MYRIP: variants seen among roughly 807,000 people sequenced by gnomAD.
The protein encoded by MYRIP is myosin VIIA and Rab interacting protein.
In MYRIP, 49 loss-of-function variants were observed where a neutral mutation model predicts 98.0. The ratio of observed to expected loss-of-function variants is 0.50; its 90% CI spans 0.40 to 0.63. The LOEUF (loss-of-function observed/expected upper bound fraction) is 0.63, where lower values mean the gene tolerates loss of function less well. Ranked by LOEUF, MYRIP falls within the 30% of genes least tolerant of loss-of-function variation. The pLI is 0.00. For synonymous variants in MYRIP, 404 were observed against 409.5 expected, an observed-to-expected ratio of 0.99 and a Z score of 0.16; for missense variants, 1,004 against 1,058.2, an observed-to-expected ratio of 0.95 and a Z score of 0.71.
chr3:40,152,894 G>T (rs1002913299), intron 4 of MYRIP, among the ~76,000 whole-genome samples: 1 of 151,844 alleles, frequency 6.6e-6, no homozygotes, highest in Non-Finnish European at 1.5e-5. Flanking sequence ...AGTCAGGAGG[G>T]TCACTTGAGA....
rs62719862 is a variant in MYRIP at position 39,919,693 on chromosome 3, GGTGTGTGTGT to G, written c.110+18793_110+18802del. 5.3e-3 allele frequency among the ~76,000 whole-genome samples: 760 copies of G among 143,342 alleles called. 7 individuals are homozygous for G. Among genetic ancestry groups the G allele is most frequent in the Non-Finnish European group, 4.5e-3 (296 of 66,490 alleles). The allele number at this position is 143,342 out of a possible 152,430, so 94.0% of individuals were successfully genotyped here. ...CTCTGCCATGTGTGCGGGTATGTGTGGTGTGTGTGTGTGTGTGTGTGTGTGTGTGTGTGTG... is the reference window on the plus strand; with the variant it reads ...CTCTGCCATGTGTGCGGGTATGTGTGGTGTGTGTGTGTGTGTGTGTGTGTG... On this transcript the variant is annotated intron_variant, in intron 2 of 16. Transcript: ENST00000302541.
intron 3 of MYRIP, chr3:40,071,254 G>A: frequency 2.1e-6 from 2 of 931,094 alleles, no homozygotes; most frequent in Non-Finnish European, 2.6e-6. Flanking sequence ...GTTGGGGTCA[G>A]AATGTGAGCC....
chr3:40,165,838 G>A (rs1020102304), intron 5 of MYRIP, among the ~76,000 whole-genome samples: 2 of 150,608 alleles, frequency 1.3e-5, no homozygotes, highest in Admixed American at 1.3e-4. Context: ...TCTCAGTTTT[G>A]TGGTTAAAAT....
chr3:39,875,893 C>T (rs1942977696), intron 1 of MYRIP, among the ~76,000 whole-genome samples: 1 of 151,888 alleles, frequency 6.6e-6, no homozygotes, highest in South Asian at 2.1e-4. Context: ...TCCTGGGTAT[C>T]CTTGTTGACT....
At chr3:40,255,275 A>G (rs1229653461) in intron 16 of MYRIP, among the ~76,000 whole-genome samples, 2 of 152,182 alleles carry the variant, frequency 1.3e-5, no homozygotes, top group Non-Finnish European at 2.9e-5. Flanking sequence ...TGGCTGCCAG[A>G]GGTTGTGGGA....
At chr3:40,076,492 T>A (rs1948345726) in intron 3 of MYRIP, among the ~76,000 whole-genome samples, 1 of 152,210 alleles carries the variant, frequency 6.6e-6, no homozygotes, top group South Asian at 2.1e-4. Flanking sequence ...CAGGCACTAA[T>A]ATTTACTCCA....
intron 15 of MYRIP, among the ~76,000 whole-genome samples, chr3:40,251,162 G>T (rs539204425): frequency 7.7e-4 from 117 of 152,306 alleles, no homozygotes; most frequent in African/African-American, 2.6e-3. Flanking sequence ...CCACAAAAGG[G>T]TGATACCAAA....
chr3:40,145,971 A>G lies in MYRIP; in HGVS notation c.333-5077A>G, dbSNP rs567842738. 1.1e-4 allele frequency among the ~76,000 whole-genome samples: 16 copies of G among 152,320 alleles called. No homozygotes were observed. The East Asian group carries it at 2.5e-3, about 24-fold the overall frequency. The stretch of plus-strand genomic sequence containing the variant: ...ATTTTATTAAGTGTCTACTAGGTGC[A>G]CTTTAGTGGTCTAGGCACATGGGAT... On this transcript the variant is annotated intron_variant, in intron 3 of 16. Coordinates refer to ENST00000302541, the MANE Select transcript of MYRIP (RefSeq NM_015460.4).
At chr3:40,236,884 G>T (rs1952841381) in intron 12 of MYRIP, among the ~76,000 whole-genome samples, 1 of 151,930 alleles carries the variant, frequency 6.6e-6, no homozygotes, top group South Asian at 2.1e-4. Context: ...TTGCTATGTT[G>T]CCCAGACTGG....
chr3:39,897,024 A>C (rs6599055), intron 1 of MYRIP, among the ~76,000 whole-genome samples: 2,664 of 152,298 alleles, frequency 0.017, 78 homozygotes, highest in African/African-American at 0.06. Flanking sequence ...TCTGAAGCTC[A>C]TCTAACTCTG....
chr3:40,151,912 T>A (rs979141794), intron 4 of MYRIP, among the ~76,000 whole-genome samples: 9 of 152,186 alleles, frequency 5.9e-5, no homozygotes, highest in African/African-American at 1.7e-4. Context: ...AAAACCTCAT[T>A]CATCTTATTT....
chr3:40,101,132 C>G (rs894485883), intron 3 of MYRIP, among the ~76,000 whole-genome samples: 9 of 152,044 alleles, frequency 5.9e-5, no homozygotes, highest in African/African-American at 2.2e-4. Flanking sequence ...TCTTTATTTT[C>G]TTCTATGAAA....
chr3:39,962,453 GTTT>G (rs35184278), intron 2 of MYRIP, among the ~76,000 whole-genome samples: 1 of 107,664 alleles, frequency 9.3e-6, no homozygotes, highest in Non-Finnish European at 1.8e-5. Flanking sequence ...CTCTGGGCTA[GTTT>G]TTTTTTTTTT....
chr3:39,897,148 T>A (rs890342827), intron 1 of MYRIP, among the ~76,000 whole-genome samples: 2 of 152,194 alleles, frequency 1.3e-5, no homozygotes, highest in African/African-American at 2.4e-5. Flanking sequence ...GTTTACCAGA[T>A]AGTCATTTCT....
intron 10 of MYRIP, among the ~76,000 whole-genome samples, 178 bp from the exon 11 acceptor site, chr3:40,209,676 T>G (rs1358836353): frequency 1.3e-5 from 2 of 151,978 alleles, no homozygotes; most frequent in Non-Finnish European, 2.9e-5. Context: ...ATTCATGCAT[T>G]TGAGAAAGTA....
chr3:40,192,945 C>A (rs1459003916), intron 10 of MYRIP, among the ~76,000 whole-genome samples: 2 of 152,156 alleles, frequency 1.3e-5, no homozygotes, highest in Admixed American at 6.5e-5. Flanking sequence ...CTGGGAGGGG[C>A]CTGTAGTATG....
chr3:40,086,980 C>A (rs1948641386), intron 3 of MYRIP, among the ~76,000 whole-genome samples: 1 of 152,030 alleles, frequency 6.6e-6, no homozygotes, highest in Non-Finnish European at 1.5e-5. Flanking sequence ...CAGGACAATG[C>A]TGGGGGTGAT....
intron 15 of MYRIP, 28 bp downstream of exon 15, chr3:40,250,527 C>A: frequency 6.2e-7 from 1 of 1,612,906 alleles, no homozygotes; most frequent in Non-Finnish European, 8.5e-7. Flanking sequence ...CACAAAGCTA[C>A]CAAAAAATTA....
At chr3:40,256,748 G>A (rs1953604035) in intron 16 of MYRIP, among the ~76,000 whole-genome samples, 1 of 151,222 alleles carries the variant, frequency 6.6e-6, no homozygotes, top group South Asian at 2.1e-4. Context: ...AACATTCTGT[G>A]GCCAAATGAT....
Sources: allele counts gnomAD v4.1 joint callset (sites outside exome capture counted in the v4.1 genomes callset), GRCh38; gene constraint gnomAD v4.1.1; transcripts MANE v1.5; gene names NCBI Gene and HGNC (gene_info 2026-07-23, HGNC 2026-07-21).